The following NXPH2 variants were observed in gnomAD, a reference collection of about 807,000 sequenced individuals.
The protein encoded by NXPH2 is neurexophilin-2.
Under a neutral mutation model 19.8 loss-of-function variants are expected in NXPH2, and 5 were observed. That is an observed-to-expected ratio of 0.25 (90% confidence interval 0.13 to 0.53). The LOEUF (loss-of-function observed/expected upper bound fraction) is 0.53, where lower values mean the gene tolerates loss of function less well. NXPH2 is among the 20% of genes least tolerant of loss of function. NXPH2 has a pLI of 0.96. For missense variants in NXPH2, 289 were observed against 322.8 expected, an observed-to-expected ratio of 0.90 and a Z score of 0.80; for synonymous variants, 154 against 127.4, an observed-to-expected ratio of 1.21 and a Z score of -1.41.
chr2:138,753,708 T>C (rs1407845595), intron 1 of NXPH2, among the ~76,000 whole-genome samples: 1 of 152,178 alleles, frequency 6.6e-6, no homozygotes, highest in Non-Finnish European at 1.5e-5. Flanking sequence ...TAGATCACTG[T>C]AGCCTCCTCC....
intron 1 of NXPH2, among the ~76,000 whole-genome samples, chr2:138,706,132 C>T (rs1681005635): frequency 6.6e-6 from 1 of 152,296 alleles, no homozygotes; most frequent in Non-Finnish European, 1.5e-5. Flanking sequence ...CATTACAGAA[C>T]ATACTATGTC....
At chr2:138,779,628 G>T (rs1428782819) in intron 1 of NXPH2, among the ~76,000 whole-genome samples, 1 of 152,054 alleles carries the variant, frequency 6.6e-6, no homozygotes, top group South Asian at 2.1e-4. Flanking sequence ...AGTCCCTAGC[G>T]CCAGACGGAA....
chr2:138,764,537 T>C (rs916303562), intron 1 of NXPH2, among the ~76,000 whole-genome samples: 3 of 152,232 alleles, frequency 2.0e-5, no homozygotes, highest in Non-Finnish European at 2.9e-5. Context: ...ATTAGTGTTA[T>C]AGGCACATTA....
At chr2:138,759,775 G>A (rs999023202) in intron 1 of NXPH2, among the ~76,000 whole-genome samples, 1 of 148,768 alleles carries the variant, frequency 6.7e-6, no homozygotes, top group South Asian at 2.1e-4. Flanking sequence ...TGTGGTCCAG[G>A]CTGGAGTGCA....
chr2:138,755,755 T>G (rs898614896), intron 1 of NXPH2, among the ~76,000 whole-genome samples: 1 of 152,124 alleles, frequency 6.6e-6, no homozygotes, highest in African/African-American at 2.4e-5. Context: ...GTTGATCAAG[T>G]TAGGAATAAA....
intron 1 of NXPH2, among the ~76,000 whole-genome samples, chr2:138,775,062 C>T (rs982921319): frequency 2.1e-4 from 32 of 152,186 alleles, no homozygotes; most frequent in African/African-American, 7.2e-4. Flanking sequence ...ACTAGAATGG[C>T]AATTTAGTAT....
At chr2:138,726,334 C>T (rs1215915784) in intron 1 of NXPH2, among the ~76,000 whole-genome samples, 5 of 152,164 alleles carry the variant, frequency 3.3e-5, no homozygotes, top group Non-Finnish European at 5.9e-5. Flanking sequence ...CGTGAGCCAC[C>T]AGGTCGGCCT....
At chr2:138,725,069 C>T (rs576984739) in intron 1 of NXPH2, among the ~76,000 whole-genome samples, 6 of 152,138 alleles carry the variant, frequency 3.9e-5, no homozygotes, top group South Asian at 2.1e-4. Flanking sequence ...ATACATAGCA[C>T]GATTAAAACA....
intron 1 of NXPH2, among the ~76,000 whole-genome samples, chr2:138,676,917 A>G (rs1350275538): frequency 6.6e-6 from 1 of 152,234 alleles, no homozygotes; most frequent in Non-Finnish European, 1.5e-5. Context: ...CATCTGAGTC[A>G]CATCCAAATC....
chr2:138,779,814 C>T (rs1682322725), intron 1 of NXPH2, among the ~76,000 whole-genome samples: 1 of 152,192 alleles, frequency 6.6e-6, no homozygotes, highest in African/African-American at 2.4e-5. Flanking sequence ...CACCAAGCCT[C>T]TCAAACTGTG....
At chr2:138,732,159 C>G (rs1681462637) in intron 1 of NXPH2, among the ~76,000 whole-genome samples, 1 of 152,186 alleles carries the variant, frequency 6.6e-6, no homozygotes, top group East Asian at 1.9e-4. Context: ...AAACTATGGA[C>G]AACATTGCTT....
chr2:138,741,473 C>A (rs1681641158), intron 1 of NXPH2, among the ~76,000 whole-genome samples: 1 of 152,156 alleles, frequency 6.6e-6, no homozygotes, highest in Admixed American at 6.6e-5. Flanking sequence ...TTTTCCCCCT[C>A]ATATTTCTTA....
At chr2:138,746,019 T>C (rs77854277) in intron 1 of NXPH2, among the ~76,000 whole-genome samples, 1,915 of 152,234 alleles carry the variant, frequency 0.013, 47 homozygotes, top group African/African-American at 0.044. Context: ...GCAGTGCTGA[T>C]AGTCGTGGGG....
At chr2:138,734,865 T>C (rs1681514940) in intron 1 of NXPH2, among the ~76,000 whole-genome samples, 1 of 152,178 alleles carries the variant, frequency 6.6e-6, no homozygotes, top group Non-Finnish European at 1.5e-5. Context: ...TAGGGTAAAC[T>C]GAGCTCACGT....
In NXPH2 at chr2:138,682,038, G is replaced by T. The variant is rs948998081; in HGVS notation, c.52-10373C>A. 8.5e-5 allele frequency among the ~76,000 whole-genome samples: 13 copies of T among 152,218 alleles called. No individual in the cohort carries two copies. In the East Asian group the frequency reaches 2.5e-3, roughly 29 times the overall value. The stretch of plus-strand genomic sequence containing the variant: ...TAAAAGGTGGTTCAAAGCCTCATTT[G>T]AGTTGCTTACATATAGCTTACATAG... On this transcript the variant is annotated intron_variant, in intron 1 of 1. Coordinates refer to ENST00000272641, the MANE Select transcript of NXPH2 (RefSeq NM_007226.3).
chr2:138,737,634 T>A (rs916571425), intron 1 of NXPH2, among the ~76,000 whole-genome samples: 10 of 152,240 alleles, frequency 6.6e-5, no homozygotes. Context: ...GTTTCTGGAA[T>A]GTCTCAGCCT....
intron 1 of NXPH2, among the ~76,000 whole-genome samples, chr2:138,702,635 A>G (rs866603797): frequency 3.4e-5 from 5 of 147,370 alleles, no homozygotes; most frequent in Middle Eastern, 3.2e-3. Context: ...AGAAAAAATG[A>G]TAGAAATAGA....
chr2:138,671,697 T>C, intron 1 of NXPH2, 32 bp from the exon 2 acceptor site: 2 of 1,518,406 alleles, frequency 1.3e-6, no homozygotes, highest in Admixed American at 2.3e-5. Flanking sequence ...AAATAAACTT[T>C]AGGTTAGTGC....
intron 1 of NXPH2, among the ~76,000 whole-genome samples, chr2:138,675,735 C>T (rs1426914862): frequency 6.6e-6 from 1 of 151,840 alleles, no homozygotes; most frequent in African/African-American, 2.4e-5. Flanking sequence ...AAAAGGTTCC[C>T]TATATGAGAA....
Sources: allele counts gnomAD v4.1 joint callset (sites outside exome capture counted in the v4.1 genomes callset), GRCh38; gene constraint gnomAD v4.1.1; transcripts MANE v1.5; gene names NCBI Gene and HGNC (gene_info 2026-07-23, HGNC 2026-07-21).